The following PPFIA2 variants were observed in gnomAD, a reference collection of about 807,000 sequenced individuals.
PPFIA2 encodes the protein PPFI scaffold protein A2.
A neutral mutation model predicts 175.5 loss-of-function variants in PPFIA2; 46 were observed. The observed-to-expected ratio is 0.26, with a 90% CI of 0.21 to 0.34. The LOEUF (loss-of-function observed/expected upper bound fraction) is 0.34. Ranked by LOEUF, PPFIA2 falls within the 10% of genes least tolerant of loss-of-function variation. The pLI is 1.00. For missense variants in PPFIA2, 1,179 were observed against 1,506.1 expected (o/e 0.78, Z 3.60); for synonymous variants, 568 against 511.4 (o/e 1.11, Z -1.49).
intron 3 of PPFIA2, among the ~76,000 whole-genome samples, chr12:81,730,144 C>A (rs536974228): frequency 6.6e-6 from 1 of 151,664 alleles, no homozygotes; most frequent in South Asian, 2.1e-4. Context: ...AAACTAATAC[C>A]ATATGTTCCT....
intron 4 of PPFIA2, among the ~76,000 whole-genome samples, chr12:81,618,882 T>C (rs2061712998): frequency 6.6e-6 from 1 of 152,208 alleles, no homozygotes; most frequent in African/African-American, 2.4e-5. Flanking sequence ...TTGAGTGATA[T>C]TATTCATTCA....
intron 3 of PPFIA2, among the ~76,000 whole-genome samples, chr12:81,683,277 A>C (rs539988434): frequency 2.6e-5 from 4 of 152,092 alleles, no homozygotes; most frequent in East Asian, 1.9e-4. Flanking sequence ...ACTACATCTC[A>C]TTACCTTCAT....
chr12:81,346,654 T>C (rs974123042), intron 18 of PPFIA2, among the ~76,000 whole-genome samples: 6 of 151,536 alleles, frequency 4.0e-5, no homozygotes, highest in African/African-American at 9.7e-5. Context: ...AATTAATGTA[T>C]ACATGTGAAA....
At chr12:81,483,251 A>AT (rs1164144437) in intron 4 of PPFIA2, among the ~76,000 whole-genome samples, 2 of 152,206 alleles carry the variant, frequency 1.3e-5, no homozygotes, top group Non-Finnish European at 2.9e-5. Flanking sequence ...AAAAGCTTTT[A>AT]TATGCGTGTT....
chr12:81,498,475 G>T (rs959309860), intron 4 of PPFIA2, among the ~76,000 whole-genome samples: 3 of 152,074 alleles, frequency 2.0e-5, no homozygotes, highest in Non-Finnish European at 4.4e-5. Context: ...CCTCAGTTTG[G>T]ATTTTTCTGG....
chr12:81,389,069 C>A (rs1191737263), intron 8 of PPFIA2, among the ~76,000 whole-genome samples: 1 of 150,546 alleles, frequency 6.6e-6, no homozygotes, highest in Non-Finnish European at 1.5e-5. Flanking sequence ...AACATGTGTT[C>A]TTTCGTGACT....
chr12:81,491,373 C>G (rs1189161253), intron 4 of PPFIA2, among the ~76,000 whole-genome samples: 1 of 151,786 alleles, frequency 6.6e-6, no homozygotes, highest in Non-Finnish European at 1.5e-5. Flanking sequence ...TCCTCATTCT[C>G]CCCAAAAAAA....
At chr12:81,265,302 A>G (rs1453667613) in intron 30 of PPFIA2, among the ~76,000 whole-genome samples, 6 of 151,368 alleles carry the variant, frequency 4.0e-5, no homozygotes, top group Non-Finnish European at 5.9e-5. Context: ...AAAAAAAAAA[A>G]AAAAAAAAAA....
At chr12:81,402,133 CA>C (rs1311932377) in intron 8 of PPFIA2, among the ~76,000 whole-genome samples, 1 of 152,046 alleles carries the variant, frequency 6.6e-6, no homozygotes, top group Non-Finnish European at 1.5e-5. Flanking sequence ...GTAACTTAAG[CA>C]AATTAACTGC....
chr12:81,675,155 AT>A (rs1336151303), intron 4 of PPFIA2, among the ~76,000 whole-genome samples: 1 of 75,400 alleles, frequency 1.3e-5, no homozygotes, highest in Non-Finnish European at 4.0e-5. Context: ...AAAAAAATCT[AT>A]CTATCTAAGT....
intron 3 of PPFIA2, among the ~76,000 whole-genome samples, chr12:81,700,475 T>A (rs2076362962): frequency 6.6e-6 from 1 of 152,072 alleles, no homozygotes; most frequent in African/African-American, 2.4e-5. Flanking sequence ...AATGATGAAT[T>A]ATAAGAATAA....
chr12:81,667,124 T>A (rs766478804), intron 4 of PPFIA2, among the ~76,000 whole-genome samples: 1 of 152,116 alleles, frequency 6.6e-6, no homozygotes, highest in Non-Finnish European at 1.5e-5. Context: ...CCATTCTACA[T>A]CACCAAGCTT....
intron 22 of PPFIA2, among the ~76,000 whole-genome samples, chr12:81,301,596 C>A (rs930112925): frequency 8.5e-5 from 13 of 152,168 alleles, no homozygotes; most frequent in African/African-American, 3.1e-4. Context: ...CACTTCCTGT[C>A]TCACTGGAAA....
intron 3 of PPFIA2, among the ~76,000 whole-genome samples, chr12:81,739,344 G>T (rs1319278271): frequency 2.0e-5 from 3 of 152,044 alleles, no homozygotes; most frequent in Non-Finnish European, 2.9e-5. Flanking sequence ...TATTTGTCCA[G>T]ATGGAATATA....
intron 7 of PPFIA2, among the ~76,000 whole-genome samples, chr12:81,412,626 A>T (rs2044192939): frequency 6.6e-6 from 1 of 151,894 alleles, no homozygotes; most frequent in South Asian, 2.1e-4. Context: ...ACATTCCTTA[A>T]ATATGCTTGA....
chr12:81,277,300 A>G lies in PPFIA2; in HGVS notation c.3310+17T>C, dbSNP rs370570285. The stretch of plus-strand genomic sequence containing the variant: ...CCCCAGAATAAAGGCATTTCATATG[A>G]AAGAAAGATATATTACCTTTTATTT... On this transcript the variant is annotated intron_variant, in intron 28 of 32. Coordinates refer to ENST00000549396, the MANE Select transcript of PPFIA2 (RefSeq NM_003625.5). 226 of 1,523,606 alleles carry G rather than the reference A, an allele frequency of 1.5e-4. No homozygotes were observed. Among genetic ancestry groups the G allele is most frequent in the Admixed American group, 3.6e-4 (16 of 44,960 alleles). 94.4% of individuals were successfully genotyped at this position (1,523,606 alleles called of 1,614,324 possible).
intron 4 of PPFIA2, among the ~76,000 whole-genome samples, chr12:81,592,733 G>C (rs1039616631): frequency 2.6e-5 from 4 of 151,954 alleles, no homozygotes; most frequent in African/African-American, 9.7e-5. Flanking sequence ...TTTCTTCCCA[G>C]TCTTGGGTAT....
At chr12:81,639,358 A>G (rs2064614953) in intron 4 of PPFIA2, among the ~76,000 whole-genome samples, 1 of 152,174 alleles carries the variant, frequency 6.6e-6, no homozygotes, top group Non-Finnish European at 1.5e-5. Flanking sequence ...CTGACAAAAG[A>G]AAATAGAAAC....
intron 4 of PPFIA2, among the ~76,000 whole-genome samples, chr12:81,610,932 G>A (rs1034784639): frequency 3.3e-5 from 5 of 152,128 alleles, no homozygotes; most frequent in African/African-American, 1.2e-4. Flanking sequence ...GCTTTGTGCA[G>A]GATTTTTGTT....
Sources: gnomAD v4.1 joint callset for allele counts (sites outside exome capture counted in the v4.1 genomes callset) on GRCh38, gnomAD v4.1.1 for gene constraint, MANE v1.5 for transcripts, NCBI Gene and HGNC (gene_info 2026-07-23, HGNC 2026-07-21) for gene names.